RHOF: variants seen among roughly 807,000 people sequenced by gnomAD.
RHOF encodes the protein rho-related GTP-binding protein RhoF.
RHOF carries 21 observed loss-of-function variants against 22.2 expected under a neutral mutation model. The observed-to-expected ratio is 0.95, with a 90% CI of 0.67 to 1.36. RHOF has a LOEUF of 1.36. Among genes scored for constraint, RHOF ranks in the 40% most tolerant of loss-of-function variants. RHOF has a pLI of 0.00. For missense variants in RHOF, 285 were observed against 293.7 expected, an observed-to-expected ratio of 0.97 and a Z score of 0.22; for synonymous variants, 135 against 131.2, an observed-to-expected ratio of 1.03 and a Z score of -0.20.
In RHOF at chr12:121,779,477, G is replaced by C. The variant is rs757496655; in HGVS notation, c.*21C>G. The C allele has an allele frequency of 3.7e-6, 6 of 1,608,718 alleles. No individual in the cohort carries two copies. The South Asian group carries it at 4.4e-5, about 12-fold the overall frequency. On this transcript the variant is annotated 3_prime_UTR_variant, in exon 5 of 5. Transcript: ENST00000267205. ...GCCCCCGGGCCCTGTCAGTGCTGTC[G>C]TGAGGTCTGTCTGCCCTGGGTCAGA...
At chr12:121,789,848 G>A (rs145634619) in intron 2 of RHOF, among the ~76,000 whole-genome samples, 33 of 152,272 alleles carry the variant, frequency 2.2e-4, no homozygotes, top group South Asian at 6.2e-4. Flanking sequence ...GGGGACCACC[G>A]CTCCCCGGGC....
chr12:121,786,502 G>C (rs912911883), intron 2 of RHOF, among the ~76,000 whole-genome samples: 2 of 152,188 alleles, frequency 1.3e-5, no homozygotes, highest in African/African-American at 4.8e-5. Flanking sequence ...AGTCAGCCCC[G>C]GGGCGCTGGA....
chr12:121,782,769 G>C (rs1180298429), intron 2 of RHOF: 1 of 152,232 alleles, frequency 6.6e-6, no homozygotes, highest in African/African-American at 2.4e-5. Context: ...AGACAGATGA[G>C]ACACATGTTC....
At chr12:121,779,805 C>T in intron 4 of RHOF, 143 bp from the exon 5 acceptor site, 3 of 847,318 alleles carry the variant, frequency 3.5e-6, no homozygotes. Flanking sequence ...ATCCTGGCTG[C>T]CCCTCACAGT....
intron 2 of RHOF, 53 bp from the exon 3 acceptor site, chr12:121,781,245 C>A: frequency 6.5e-7 from 1 of 1,536,772 alleles, no homozygotes; most frequent in South Asian, 1.1e-5. Context: ...TGTCTGGACT[C>A]TGACGGGTGA....
Position 121,781,136 on chromosome 12 carries a change from G to C in RHOF, c.283C>G (p.Leu95Val), listed in dbSNP as rs1391203488. Residue 95 changes from leucine to valine, a missense_variant, in exon 3 of 5, where the codon CTC (leucine) becomes GTC (valine). Coordinates refer to ENST00000267205, the MANE Select transcript of RHOF (RefSeq NM_019034.3). ...PLSYQNTHLV[L>V]ICYDVMNPTS... ...GGATTCATGACGTCATAGCAGATGA[G>C]CACGAGGTGGGTGTTCTGGTAGGAC... The C allele has an allele frequency of 1.2e-6, 2 of 1,614,246 alleles. No individual in the cohort carries two copies. Among genetic ancestry groups the C allele is most frequent in the East Asian group, 2.2e-5 (1 of 44,890 alleles).
chr12:121,783,544 G>A (rs1395258201), intron 2 of RHOF, among the ~76,000 whole-genome samples: 3 of 151,898 alleles, frequency 2.0e-5, no homozygotes, highest in Admixed American at 6.6e-5. Flanking sequence ...GTGCAATGGC[G>A]CGATCTCGGC....
At chr12:121,793,106 TCGGGCGGG>T in intron 2 of RHOF, 38 bp downstream of exon 2, 1 of 1,498,854 alleles carries the variant, frequency 6.7e-7, no homozygotes, top group Non-Finnish European at 9.1e-7. Flanking sequence ...GGGAAACCCT[TCGGGCGGG>T]CGGACCCTCG....
At chr12:121,793,025 A>G in intron 2 of RHOF, 127 bp downstream of exon 2, 10 of 787,848 alleles carry the variant, frequency 1.3e-5, no homozygotes, top group Non-Finnish European at 2.0e-5. Flanking sequence ...AGCGGCCTCC[A>G]GGAGTGAAGA....
At chr12:121,790,794 TG>T (rs1566535222) in intron 2 of RHOF, among the ~76,000 whole-genome samples, 1 of 152,182 alleles carries the variant, frequency 6.6e-6, no homozygotes, top group Non-Finnish European at 1.5e-5. Context: ...GGGGTCAGCT[TG>T]GGGCATGGCA....
rs764625051 is a variant in RHOF, at chr12:121,781,210, C to T, written c.227-18G>A. The T allele has an allele frequency of 1.1e-5, 17 of 1,610,114 alleles. No homozygotes were observed. Among genetic ancestry groups the T allele is most frequent in the Non-Finnish European group, 9.3e-6 (11 of 1,176,536 alleles). On this transcript the variant is annotated intron_variant, in intron 2 of 4. Coordinates refer to ENST00000267205, the MANE Select transcript of RHOF (RefSeq NM_019034.3). ...TTCTTGCCCTGAAAGCACAGAGCAG[C>T]GGGGGTCAGGGGACGTCCCCTCCCT...
At chr12:121,790,440 G>C (rs1359264130) in intron 2 of RHOF, among the ~76,000 whole-genome samples, 1 of 152,230 alleles carries the variant, frequency 6.6e-6, no homozygotes, top group Non-Finnish European at 1.5e-5. Context: ...TTTCTGTCCT[G>C]TTCTCCTGAG....
intron 2 of RHOF, among the ~76,000 whole-genome samples, chr12:121,788,503 C>G (rs1315603507): frequency 6.6e-6 from 1 of 152,128 alleles, no homozygotes; most frequent in Non-Finnish European, 1.5e-5. Context: ...CTGCAGAGGA[C>G]TACTTCCGTG....
chr12:121,788,777 A>G (rs1874682434), intron 2 of RHOF, among the ~76,000 whole-genome samples: 2 of 152,010 alleles, frequency 1.3e-5, no homozygotes, highest in South Asian at 4.1e-4. Flanking sequence ...CAATGCTTAG[A>G]GCGGGAGCAG....
chr12:121,785,422 CTTTTTTT>C lies in RHOF; in HGVS notation c.227-4237_227-4231del, dbSNP rs758984066. ...CTTCTCTCATTTCTTTTTTTCTTTACTTTTTTTTTTTTTTTTTTTTTGGAGACAGGGT... is the reference window on the plus strand; with the variant it reads ...CTTCTCTCATTTCTTTTTTTCTTTACTTTTTTTTTTTTTTGGAGACAGGGT... On this transcript the variant is annotated intron_variant, in intron 2 of 4. Transcript: ENST00000267205. Among the ~76,000 whole-genome samples, 790 of 86,112 alleles carry C rather than the reference CTTTTTTT, an allele frequency of 9.2e-3. 4 individuals carry two copies. Among genetic ancestry groups the C allele is most frequent in the Non-Finnish European group, 0.014 (607 of 42,336 alleles). The allele number at this position is 86,112 out of a possible 152,430, so 56.5% of individuals were successfully genotyped here. A position where few individuals can be genotyped will look rare whatever the true frequency, so the allele number is the denominator to read the frequency against.
At chr12:121,788,249 A>AT (rs1033690672) in intron 2 of RHOF, among the ~76,000 whole-genome samples, 8 of 151,454 alleles carry the variant, frequency 5.3e-5, no homozygotes, top group Non-Finnish European at 1.0e-4. Context: ...TTACTGGAGT[A>AT]TTTTTTTTTC....
chr12:121,792,831 A>G (rs890597503), intron 2 of RHOF, among the ~76,000 whole-genome samples: 1 of 152,254 alleles, frequency 6.6e-6, no homozygotes, highest in African/African-American at 2.4e-5. Context: ...CAGGTAGCGC[A>G]GCAATCCTGG....
At chr12:121,779,735 G>T in intron 4 of RHOF, 73 bp from the exon 5 acceptor site, 1 of 1,533,600 alleles carries the variant, frequency 6.5e-7, no homozygotes, top group Non-Finnish European at 8.9e-7. Context: ...GTGGGTTTGG[G>T]ACTGGCTCTG....
chr12:121,781,519 A>T (rs1379837464), intron 2 of RHOF: 2 of 302,214 alleles, frequency 6.6e-6, no homozygotes, highest in African/African-American at 4.3e-5. Context: ...GGATGGTGGT[A>T]AAGAATCCTC....
Sources: gnomAD v4.1 joint callset for allele counts (sites outside exome capture counted in the v4.1 genomes callset) on GRCh38, gnomAD v4.1.1 for gene constraint, MANE v1.5 for transcripts, NCBI Gene and HGNC (gene_info 2026-07-23, HGNC 2026-07-21) for gene names.